Variants in ZNF519 observed in about 807,000 individuals in gnomAD.
ZNF519 encodes the protein zinc finger protein 519.
ZNF519 carries 7 observed loss-of-function variants against 7.4 expected under a neutral mutation model. That is an observed-to-expected ratio of 0.94 (90% CI 0.54 to 1.77). ZNF519 has a LOEUF of 1.77. Among genes scored for constraint, ZNF519 ranks in the 40% most tolerant of loss-of-function variants. The pLI, the probability that ZNF519 is intolerant of heterozygous loss-of-function variation, is 0.00. For synonymous variants in ZNF519, 179 were observed against 203.3 expected, an observed-to-expected ratio of 0.88 and a Z score of 1.02; for missense variants, 586 against 623.1, an observed-to-expected ratio of 0.94 and a Z score of 0.63.
At chr18:14,099,869 A>G (rs1476318551), downstream of ZNF519, 1 of 152,224 alleles carries the variant, frequency 6.6e-6, no homozygotes, top group East Asian at 1.9e-4. Context: ...TAGAACTGTT[A>G]TTATTCTAAT....
chr18:14,088,648 T>C (rs2046101343), intron 2 of ZNF519, among the ~76,000 whole-genome samples: 1 of 152,154 alleles, frequency 6.6e-6, no homozygotes, highest in African/African-American at 2.4e-5. Flanking sequence ...GAATAATATA[T>C]GGAGTAAAAA....
Position 14,100,927 on chromosome 18 carries a change from A to G in ZNF519, c.*3990T>C, listed in dbSNP as rs1361036219. ...GTTTTATAATATGAATAACCAATCT[A>G]TTCCCTCAGCAGTGCTTTCTACAAG... On this transcript the variant is annotated 3_prime_UTR_variant, in exon 3 of 3. Transcript: ENST00000590202. 1 of 152,218 alleles carries G rather than the reference A, an allele frequency of 6.6e-6. No homozygotes were observed. The highest frequency in any genetic ancestry group is 2.4e-5 in the African/African-American group (1 of 41,452). The allele number at this position is 152,218 out of a possible 1,614,324, so 9.4% of individuals were successfully genotyped here.
intron 2 of ZNF519, among the ~76,000 whole-genome samples, chr18:14,087,016 T>A (rs2080101): frequency 0.98 from 149,698 of 152,238 alleles, 73,642 homozygotes; most frequent in Middle Eastern, 1. Context: ...TAAATCCCAT[T>A]GCACATCGTG....
chr18:14,108,707 A>G (rs887389930), intron 2 of ZNF519, among the ~76,000 whole-genome samples: 2 of 152,188 alleles, frequency 1.3e-5, no homozygotes, highest in Non-Finnish European at 2.9e-5. Flanking sequence ...CATGTGAATG[A>G]AAACAAACAG....
At chr18:14,107,790 G>A (rs114692737) in intron 2 of ZNF519, among the ~76,000 whole-genome samples, 2,377 of 152,190 alleles carry the variant, frequency 0.016, 65 homozygotes, top group African/African-American at 0.055. Context: ...GTAGCCTGGC[G>A]GTATTCCCCA....
At chr18:14,130,908 G>GA (rs1183967794) in intron 1 of ZNF519, among the ~76,000 whole-genome samples, 1 of 151,856 alleles carries the variant, frequency 6.6e-6, no homozygotes, top group Non-Finnish European at 1.5e-5. Flanking sequence ...GGGTAAGCCT[G>GA]GATATTTCTC....
rs545887412 is a variant in ZNF519, at chr18:14,112,706, C to T, written c.131-6297G>A. On this transcript the variant is annotated intron_variant, in intron 2 of 2. Coordinates refer to ENST00000590202, the MANE Select transcript of ZNF519 (RefSeq NM_145287.4). ...ATAGCCACAAATTAAAATAAAATAC[C>T]TAGGAATTAACCAAAGAAATTAAAG... is the stretch of plus-strand genomic sequence containing the variant. 4.6e-4 allele frequency among the ~76,000 whole-genome samples: 70 copies of T among 152,086 alleles called. 4 individuals are homozygous for T. In the South Asian group the frequency reaches 0.014, roughly 31 times the overall value.
Position 14,103,838 on chromosome 18 carries a change from A to C in ZNF519, c.*1079T>G, listed in dbSNP as rs1567946188. The C allele has an allele frequency of 6.6e-6, 1 of 152,148 alleles. No individual in the cohort carries two copies. Among genetic ancestry groups the C allele is most frequent in the East Asian group, 1.9e-4 (1 of 5,204 alleles). The allele number at this position is 152,148 out of a possible 1,614,324, so 9.4% of individuals were successfully genotyped here. ...ATAAGTTAACATTTTTGTCAGGATAAGACATTATTCAATAAGCAACAGTGT... is the reference window on the plus strand; with the variant it reads ...ATAAGTTAACATTTTTGTCAGGATACGACATTATTCAATAAGCAACAGTGT... On this transcript the variant is annotated 3_prime_UTR_variant, in exon 3 of 3. Transcript: ENST00000590202.
intron 2 of ZNF519, among the ~76,000 whole-genome samples, chr18:14,121,593 A>G (rs1449085215): frequency 1.3e-5 from 2 of 152,146 alleles, no homozygotes; most frequent in Non-Finnish European, 2.9e-5. Flanking sequence ...CAACACTGCT[A>G]TATGCCATTC....
At chr18:14,131,731 C>G (rs1172588976) in intron 1 of ZNF519, among the ~76,000 whole-genome samples, 2 of 152,088 alleles carry the variant, frequency 1.3e-5, no homozygotes. Context: ...AATTTCCACC[C>G]AGACACTCCA....
chr18:14,071,259 T>C (rs2046026971), downstream of ZNF519: 1 of 151,964 alleles, frequency 6.6e-6, no homozygotes, highest in Admixed American at 6.6e-5. Flanking sequence ...GGGGGGAAAA[T>C]TTTTATTAAA....
At chr18:14,072,517 T>C (rs2046031844), downstream of ZNF519, 1 of 152,180 alleles carries the variant, frequency 6.6e-6, no homozygotes, top group Non-Finnish European at 1.5e-5. Flanking sequence ...AACACTTGTC[T>C]AGGGAATATT....
rs945643245 is a variant in ZNF519, at chr18:14,103,310, A to T, written c.*1607T>A. ...ATATGCTAGGCCATACAGCAGGAAAACGTCAATAAAATTAACAGGATCAAA... is the reference window on the plus strand; with the variant it reads ...ATATGCTAGGCCATACAGCAGGAAATCGTCAATAAAATTAACAGGATCAAA... On this transcript the variant is annotated 3_prime_UTR_variant, in exon 3 of 3. Coordinates refer to ENST00000590202, the MANE Select transcript of ZNF519 (RefSeq NM_145287.4). The T allele has an allele frequency of 2.6e-5, 4 of 152,138 alleles. No individual in the cohort carries two copies. Among genetic ancestry groups the T allele is most frequent in the African/African-American group, 9.7e-5 (4 of 41,440 alleles). The allele number at this position is 152,138 out of a possible 1,614,324, so 9.4% of individuals were successfully genotyped here.
exon 5 of ZNF519, chr18:14,076,635 C>T (rs2046048806): frequency 6.6e-6 from 1 of 152,108 alleles, no homozygotes; most frequent in Admixed American, 6.5e-5. Context: ...AAAAGGGAAA[C>T]TGGAGGCAGG....
At position 14,106,242 on chromosome 18, in the gene ZNF519, G is replaced by A. The variant is rs80137498; in HGVS notation, c.298C>T (p.Leu100=). Residue 100 remains leucine, a synonymous_variant, in exon 3 of 3, where the codon CTA becomes TTA. Coordinates refer to ENST00000590202, the MANE Select transcript of ZNF519 (RefSeq NM_145287.4). ...EGEGQKECYN[L]CSQYLTTSHN... ...CTAGTTGTCAAATATTGGCTACATA[G>A]ATTATAACATTCCTTTTGTCCTTCA... 2.5e-6 allele frequency: 4 copies of A among 1,613,404 alleles called. No individual in the cohort carries two copies. In the South Asian group the frequency reaches 3.3e-5, roughly 13 times the overall value.
chr18:14,112,077 TA>T (rs1244652565), intron 2 of ZNF519, among the ~76,000 whole-genome samples: 1 of 152,090 alleles, frequency 6.6e-6, no homozygotes, highest in Admixed American at 6.5e-5. Context: ...AAATTTCTAA[TA>T]AAAATACTGG....
chr18:14,073,797 G>A (rs1455375411), downstream of ZNF519: 1 of 152,132 alleles, frequency 6.6e-6, no homozygotes, highest in Admixed American at 6.5e-5. Flanking sequence ...TTGTTTAGCA[G>A]TATTTATAAG....
chr18:14,132,294 T>C lies in ZNF519; in HGVS notation c.-17A>G, dbSNP rs1396604624. 6.2e-7 allele frequency: 1 copy of C among 1,613,498 alleles called. No homozygotes were observed. Among genetic ancestry groups the C allele is most frequent in the Admixed American group, 1.7e-5 (1 of 59,956 alleles). On this transcript the variant is annotated 5_prime_UTR_variant, in exon 1 of 3. Transcript: ENST00000590202. Reference sequence around the variant, plus strand: ...ACTCACCATTTCTCGGCTTCAGGGGTGTCCTGGAGTCTTAGCTATAAATCA... The same window carrying C: ...ACTCACCATTTCTCGGCTTCAGGGGCGTCCTGGAGTCTTAGCTATAAATCA...
In ZNF519 at chr18:14,110,891, G is replaced by A. The variant is rs894958314; in HGVS notation, c.131-4482C>T. On this transcript the variant is annotated intron_variant, in intron 2 of 2. Transcript: ENST00000590202. ...TGTAATAGACTTTGGGGACTTGAGG[G>A]GGAAGGCTGGGAGGCGGGTGAGGGA... Among the ~76,000 whole-genome samples the A allele has an allele frequency of 1.3e-4, 20 of 152,096 alleles. 1 individual carries two copies. The highest frequency in any genetic ancestry group is 9.8e-4 in the Admixed American group (15 of 15,260).
Sources: allele counts gnomAD v4.1 joint callset (sites outside exome capture counted in the v4.1 genomes callset), GRCh38; gene constraint gnomAD v4.1.1; transcripts MANE v1.5; gene names NCBI Gene and HGNC (gene_info 2026-07-23, HGNC 2026-07-21).